Variants in PTPRD observed in about 807,000 individuals in gnomAD.
PTPRD encodes the protein protein tyrosine phosphatase receptor type D.
PTPRD carries 34 observed loss-of-function variants against 214.5 expected under a neutral mutation model. That is an observed-to-expected ratio of 0.16 (90% CI 0.12 to 0.21). The LOEUF is 0.21. Among genes scored for constraint, PTPRD ranks in the 10% least tolerant of loss-of-function variants. The probability of loss-of-function intolerance (pLI) is 1.00; values close to 1 mark genes in which losing one functional copy is unlikely to be tolerated. For synonymous variants in PTPRD, 1,128 were observed against 845.7 expected (o/e 1.33, Z -5.79); for missense variants, 2,545 against 2,398.7 (o/e 1.06, Z -1.27).
intron 44 of PTPRD, among the ~76,000 whole-genome samples, chr9:8,323,211 C>T (rs75407405): frequency 0.015 from 2,324 of 152,228 alleles, 23 homozygotes; most frequent in African/African-American, 0.033. Context: ...CAAGATAATA[C>T]TGCTCATTGA....
chr9:10,097,121 T>G (rs1323608356), intron 3 of PTPRD, among the ~76,000 whole-genome samples: 3 of 148,516 alleles, frequency 2.0e-5, no homozygotes, highest in Non-Finnish European at 4.5e-5. Context: ...ACCAGTACCA[T>G]GCTGTTTTGG....
Position 10,097,664 on chromosome 9 carries a change from T to C in PTPRD, c.-544-63874A>G, listed in dbSNP as rs546263081. On this transcript the variant is annotated intron_variant, in intron 3 of 45. Coordinates refer to ENST00000381196, the MANE Select transcript of PTPRD (RefSeq NM_002839.4). ...CTGAGACGATGGGGTTTTCTAGATA[T>C]ACAATCATGTCGTCTGCAAACAGGG... Among the ~76,000 whole-genome samples the C allele has an allele frequency of 7.9e-5, 12 of 151,892 alleles. No homozygotes were observed. In the East Asian group the frequency reaches 2.2e-3, roughly 27 times the overall value.
chr9:8,328,215 G>A (rs1422244019), intron 44 of PTPRD, among the ~76,000 whole-genome samples: 1 of 152,108 alleles, frequency 6.6e-6, no homozygotes, highest in East Asian at 1.9e-4. Context: ...CAGGCCTGGT[G>A]GTGACAAAAT....
intron 7 of PTPRD, among the ~76,000 whole-genome samples, chr9:9,578,897 C>G (rs935406552): frequency 5.3e-5 from 8 of 152,002 alleles, no homozygotes; most frequent in Non-Finnish European, 1.0e-4. Context: ...CACCATTTAC[C>G]AAACATATAA....
intron 2 of PTPRD, among the ~76,000 whole-genome samples, chr9:10,603,285 T>C (rs1044181433): frequency 2.0e-5 from 3 of 151,958 alleles, no homozygotes; most frequent in East Asian, 1.9e-4. Flanking sequence ...TGGGAGGAGA[T>C]ACACTGGAGT....
At chr9:8,775,742 G>T (rs928029316) in intron 11 of PTPRD, among the ~76,000 whole-genome samples, 1 of 152,064 alleles carries the variant, frequency 6.6e-6, no homozygotes, top group African/African-American at 2.4e-5. Flanking sequence ...CCAGCACTTT[G>T]GGAGGCCAAG....
intron 11 of PTPRD, among the ~76,000 whole-genome samples, chr9:8,832,429 T>TTG (rs61530710): frequency 1.4e-5 from 2 of 142,598 alleles, no homozygotes; most frequent in African/African-American, 5.3e-5. Context: ...TTTTTTTTTT[T>TTG]GTCAAATAAC....
At chr9:9,784,952 G>C (rs997243152) in intron 5 of PTPRD, among the ~76,000 whole-genome samples, 7 of 150,904 alleles carry the variant, frequency 4.6e-5, no homozygotes, top group African/African-American at 7.3e-5. Context: ...AGCAGGGTTT[G>C]CTATGTACAG....
intron 3 of PTPRD, among the ~76,000 whole-genome samples, chr9:10,254,680 A>G (rs780237012): frequency 2.0e-5 from 3 of 152,194 alleles, no homozygotes; most frequent in Admixed American, 6.5e-5. Context: ...TTTGACTGCC[A>G]GATGTGGGAA....
intron 39 of PTPRD, among the ~76,000 whole-genome samples, chr9:8,360,220 G>T (rs940515661): frequency 2.0e-5 from 3 of 152,134 alleles, no homozygotes; most frequent in African/African-American, 7.2e-5. Context: ...CATTGAATTA[G>T]GTAAGGGTGA....
intron 3 of PTPRD, among the ~76,000 whole-genome samples, chr9:10,063,913 A>G (rs1388828788): frequency 6.6e-6 from 1 of 152,048 alleles, no homozygotes; most frequent in Non-Finnish European, 1.5e-5. Context: ...TTCAAAGAGC[A>G]TGACTATTAG....
chr9:9,398,721 T>G (rs920966851), intron 8 of PTPRD, among the ~76,000 whole-genome samples: 1 of 152,050 alleles, frequency 6.6e-6, no homozygotes, highest in South Asian at 2.1e-4. Flanking sequence ...TTTTTAGATT[T>G]AAAAAACATG....
intron 5 of PTPRD, among the ~76,000 whole-genome samples, chr9:9,934,761 G>A (rs1458384169): frequency 1.3e-5 from 2 of 151,822 alleles, no homozygotes; most frequent in East Asian, 3.9e-4. Context: ...AAGCCGGGCA[G>A]AGACACAACC....
chr9:8,850,383 G>C (rs1274676050), intron 11 of PTPRD, among the ~76,000 whole-genome samples: 1 of 152,112 alleles, frequency 6.6e-6, no homozygotes, highest in African/African-American at 2.4e-5. Context: ...TGGAGATGGA[G>C]ACATAGATGC....
At chr9:8,323,587 G>C (rs148026581) in intron 44 of PTPRD, among the ~76,000 whole-genome samples, 1 of 149,466 alleles carries the variant, frequency 6.7e-6, no homozygotes, top group Non-Finnish European at 1.5e-5. Context: ...AGTAGAGGAA[G>C]AAATTGCAAA....
At chr9:9,148,530 C>A (rs1187493438) in intron 10 of PTPRD, among the ~76,000 whole-genome samples, 1 of 152,092 alleles carries the variant, frequency 6.6e-6, no homozygotes, top group Non-Finnish European at 1.5e-5. Context: ...AGTACTCACC[C>A]CCATATGGCT....
rs368216327 is a variant in PTPRD, at chr9:9,293,876, T to A, written c.-203+103573A>T. On this transcript the variant is annotated intron_variant, in intron 9 of 45. Transcript: ENST00000381196. ...TTTTTCTTCTTTGCAATTTCACAGA[T>A]AAAAGATCTTAGCAACCTCAGCATT... Among the ~76,000 whole-genome samples the A allele has an allele frequency of 1.3e-4, 20 of 151,678 alleles. No homozygotes were observed. The East Asian group carries it at 2.2e-3, about 16-fold the overall frequency.
intron 22 of PTPRD, among the ~76,000 whole-genome samples, chr9:8,506,342 T>C (rs1254737123): frequency 6.6e-6 from 1 of 152,222 alleles, no homozygotes. Flanking sequence ...TTTGTCCTAA[T>C]GTTCCCCATT....
chr9:10,543,240 G>A (rs1010877328), intron 2 of PTPRD, among the ~76,000 whole-genome samples: 1 of 151,986 alleles, frequency 6.6e-6, no homozygotes, highest in Non-Finnish European at 1.5e-5. Context: ...AGCTAAGTTT[G>A]TCTAACTCTA....
Sources: gnomAD v4.1 joint callset for allele counts (sites outside exome capture counted in the v4.1 genomes callset) on GRCh38, gnomAD v4.1.1 for gene constraint, MANE v1.5 for transcripts, NCBI Gene and HGNC (gene_info 2026-07-23, HGNC 2026-07-21) for gene names.